The following NPHP4 variants were observed in gnomAD, a reference collection of about 807,000 sequenced individuals.
NPHP4 encodes the protein nephrocystin 4.
In NPHP4, 151 loss-of-function variants were observed where a neutral mutation model predicts 155.8. The ratio of observed to expected loss-of-function variants is 0.97; its 90% CI spans 0.85 to 1.11. The LOEUF (loss-of-function observed/expected upper bound fraction) is 1.11. Ranked by LOEUF, NPHP4 falls within the 50% of genes least tolerant of loss-of-function variation. NPHP4 has a pLI of 0.00. For missense variants in NPHP4, 1,956 were observed against 1,925.7 expected (o/e 1.02, Z -0.29); for synonymous variants, 845 against 816.8 (o/e 1.03, Z -0.59).
Position 5,910,657 on chromosome 1 carries a change from C to G in NPHP4, c.1442-1444G>C, listed in dbSNP as rs192445952. On this transcript the variant is annotated intron_variant, in intron 11 of 29. Transcript: ENST00000378156. The surrounding 1 kb of genome is among the most constrained non-coding windows in gnomAD (Gnocchi z 5.4). Reference sequence around the variant, plus strand: ...AGAGACTGCTCAGCCACTTCGTGTTCCGCTCTGAATCCCAAAAAAACAAAA... The same window carrying G: ...AGAGACTGCTCAGCCACTTCGTGTTGCGCTCTGAATCCCAAAAAAACAAAA... 6.6e-6 allele frequency among the ~76,000 whole-genome samples: 1 copy of G among 152,282 alleles called. No individual in the cohort carries two copies. Among genetic ancestry groups the G allele is most frequent in the East Asian group, 1.9e-4 (1 of 5,184 alleles).
intron 9 of NPHP4, among the ~76,000 whole-genome samples, chr1:5,942,584 T>TAAAAA (rs1646880061): frequency 3.1e-5 from 1 of 32,432 alleles, no homozygotes; most frequent in Admixed American, 3.3e-4. Context: ...AAATCATAAA[T>TAAAAA]GACAAAAAAA....
chr1:5,970,858 G>A (rs1652433285), intron 3 of NPHP4, among the ~76,000 whole-genome samples: 1 of 152,016 alleles, frequency 6.6e-6, no homozygotes, highest in Non-Finnish European at 1.5e-5. Context: ...TCAGCCATGA[G>A]ATATAAATCG....
chr1:5,947,206 C>G lies in NPHP4; in HGVS notation c.1017G>C (p.Leu339Phe), dbSNP rs769587826. ...KTSSGSQALV[L>F]RSRLRLPEMV... ...TCTCTGGGAGGCGGAGGCGGCTTCT[C>G]AAAACCAGAGCTTGGCTCCCGGAGC... is the stretch of plus-strand genomic sequence containing the variant. Residue 339 changes from leucine to phenylalanine, a missense_variant, in exon 9 of 30, where the codon TTG (leucine) becomes TTC (phenylalanine). Coordinates refer to ENST00000378156, the MANE Select transcript of NPHP4 (RefSeq NM_015102.5). 2.5e-5 allele frequency: 41 copies of G among 1,613,834 alleles called. No homozygotes were observed. The highest frequency in any genetic ancestry group is 3.4e-5 in the Non-Finnish European group (40 of 1,179,824).
chr1:5,941,289 C>CAAAAAAAAAAAAAAAA (rs66676950), intron 9 of NPHP4, among the ~76,000 whole-genome samples: 7 of 44,764 alleles, frequency 1.6e-4, no homozygotes, highest in South Asian at 1.2e-3. Context: ...GAGATCTAGA[C>CAAAAAAAAAAAAAAAA]AAAAAAAAAA....
At chr1:5,913,117 C>T (rs1456797430) in intron 11 of NPHP4, among the ~76,000 whole-genome samples, 1 of 148,556 alleles carries the variant, frequency 6.7e-6, no homozygotes, top group Non-Finnish European at 1.5e-5. Context: ...CGCCACTGCA[C>T]TCCAACCTGG....
At chr1:5,870,281 C>G (rs541533835) in intron 23 of NPHP4, among the ~76,000 whole-genome samples, 1 of 152,250 alleles carries the variant, frequency 6.6e-6, no homozygotes, top group East Asian at 1.9e-4. Flanking sequence ...AGAGGCTGCC[C>G]TGGTTAGTCA....
intron 5 of NPHP4, among the ~76,000 whole-genome samples, chr1:5,962,412 C>T (rs910973895): frequency 1.3e-5 from 2 of 152,152 alleles, no homozygotes; most frequent in Non-Finnish European, 2.9e-5. Flanking sequence ...CTCCTGAGAG[C>T]ACAGACAGGC....
chr1:5,935,297 A>G (rs1173925281), intron 9 of NPHP4, among the ~76,000 whole-genome samples: 2 of 152,140 alleles, frequency 1.3e-5, no homozygotes, highest in Non-Finnish European at 2.9e-5. Flanking sequence ...ATTCCAGATC[A>G]TGGGCCAGGT....
intron 28 of NPHP4, 21 bp downstream of exon 28, chr1:5,864,317 G>A: frequency 1.3e-6 from 2 of 1,579,486 alleles, no homozygotes; most frequent in Non-Finnish European, 1.7e-6. Flanking sequence ...CCCTCAGCCT[G>A]TGCCTGCCAC....
intron 6 of NPHP4, among the ~76,000 whole-genome samples, chr1:5,955,144 T>C (rs935584596): frequency 6.6e-6 from 1 of 152,054 alleles, no homozygotes; most frequent in African/African-American, 2.4e-5. Context: ...TCAGCCTCAC[T>C]AGTCATCAGG....
intron 5 of NPHP4, among the ~76,000 whole-genome samples, chr1:5,963,609 G>A (rs977444212): frequency 6.6e-6 from 1 of 152,022 alleles, no homozygotes; most frequent in East Asian, 1.9e-4. Context: ...CCAGCTTCAG[G>A]ATTTTGCCCT....
rs754981040 is a variant in NPHP4, at chr1:5,875,087, A to G, written c.2831T>C (p.Val944Ala). The G allele has an allele frequency of 1.2e-6, 2 of 1,603,956 alleles. No homozygotes were observed. Among genetic ancestry groups the G allele is most frequent in the Admixed American group, 1.7e-5 (1 of 59,706 alleles). Residue 944 changes from valine (V) to alanine (A), a missense_variant, in exon 21 of 30, where the codon GTC (valine) becomes GCC (alanine). Physicochemically the swap from Val to Ala is moderately conservative, Grantham distance 64 (BLOSUM62 0). Transcript: ENST00000378156. ...TAGGTCCCGCAAGTGCTGTGTGCGGACGCTCTGCTGCGCCTGCAGACAAGA... is the reference window on the plus strand; with the variant it reads ...TAGGTCCCGCAAGTGCTGTGTGCGGGCGCTCTGCTGCGCCTGCAGACAAGA... ...RGTSVLAQQS[V>A]RTQHLRDLQV...
intron 3 of NPHP4, among the ~76,000 whole-genome samples, chr1:5,970,128 C>T (rs924870248): frequency 2.6e-5 from 4 of 152,150 alleles, no homozygotes; most frequent in Non-Finnish European, 4.4e-5. Context: ...CTCATACGGG[C>T]GCTCCCACTT....
chr1:5,898,258 A>G (rs537482919), intron 16 of NPHP4, among the ~76,000 whole-genome samples: 1 of 152,370 alleles, frequency 6.6e-6, no homozygotes, highest in South Asian at 2.1e-4. Flanking sequence ...CGAAGAAAAC[A>G]AAAAGGGTTG....
chr1:5,875,770 C>T (rs915218865), intron 20 of NPHP4, among the ~76,000 whole-genome samples: 3 of 152,254 alleles, frequency 2.0e-5, no homozygotes, highest in African/African-American at 7.2e-5. Flanking sequence ...CACCCCCATG[C>T]CGGGGAGTCA....
chr1:5,948,038 C>T, intron 8 of NPHP4, 32 bp downstream of exon 8: 1 of 1,567,030 alleles, frequency 6.4e-7, no homozygotes, highest in Admixed American at 1.7e-5. Context: ...TTGCACATCC[C>T]CACCCATCCC....
intron 16 of NPHP4, among the ~76,000 whole-genome samples, chr1:5,902,598 AT>A (rs200751355): frequency 0.022 from 3,388 of 152,068 alleles, 62 homozygotes; most frequent in Middle Eastern, 0.075. Context: ...CACTTATCAA[AT>A]TTTTTTCCTT....
chr1:5,974,389 G>A (rs1336756061), intron 3 of NPHP4, among the ~76,000 whole-genome samples: 1 of 152,174 alleles, frequency 6.6e-6, no homozygotes, highest in Non-Finnish European at 1.5e-5. Flanking sequence ...GGGAAAAGAA[G>A]CCAGTCACAC....
In NPHP4 at chr1:5,905,506, G is replaced by C. The variant is rs758603352; in HGVS notation, c.1764-23C>G. On this transcript the variant is annotated intron_variant, in intron 14 of 29. Coordinates refer to ENST00000378156, the MANE Select transcript of NPHP4 (RefSeq NM_015102.5). The surrounding 1 kb of genome is among the most constrained non-coding windows in gnomAD (Gnocchi z 4.0). ...GAGCTGAGACACAGAGACTCCTCAG[G>C]TAGCCTCCCGGGAAAGGGGGGACCC... 6 of 1,598,504 alleles carry C rather than the reference G, an allele frequency of 3.8e-6. No individual in the cohort carries two copies. In the Admixed American group the frequency reaches 5.1e-5, roughly 13 times the overall value.
Sources: gnomAD v4.1 joint callset for allele counts (sites outside exome capture counted in the v4.1 genomes callset) on GRCh38, gnomAD v4.1.1 for gene constraint, Gnocchi (gnomAD v3.1) non-coding constraint, MANE v1.5 for transcripts, NCBI Gene and HGNC (gene_info 2026-07-23, HGNC 2026-07-21) for gene names.